The following DAB1 variants were observed in gnomAD, a reference collection of about 807,000 sequenced individuals.
The protein encoded by DAB1 is DAB adaptor protein 1, also known as disabled homolog 1.
Under a neutral mutation model 64.6 loss-of-function variants are expected in DAB1, and 15 were observed. The ratio of observed to expected loss-of-function variants is 0.23; its 90% CI spans 0.16 to 0.36. DAB1 has a LOEUF of 0.36. Ranked by LOEUF, DAB1 falls within the 10% of genes least tolerant of loss-of-function variation. The pLI is 1.00. For synonymous variants in DAB1, 235 were observed against 251.9 expected, an observed-to-expected ratio of 0.93 and a Z score of 0.64; for missense variants, 596 against 706.7, an observed-to-expected ratio of 0.84 and a Z score of 1.78.
chr1:58,384,383 T>C (rs1216085879), intron 3 of DAB1, among the ~76,000 whole-genome samples: 1 of 152,162 alleles, frequency 6.6e-6, no homozygotes, highest in Non-Finnish European at 1.5e-5. Context: ...GATGAGGAGT[T>C]GTTGTTTAAT....
At chr1:58,471,642 A>C (rs1284776183) in intron 3 of DAB1, among the ~76,000 whole-genome samples, 3 of 152,108 alleles carry the variant, frequency 2.0e-5, no homozygotes, top group South Asian at 2.1e-4. Context: ...AGGTGATTGG[A>C]TCATGGGGCA....
chr1:58,504,222 C>T (rs1400522354), intron 3 of DAB1, among the ~76,000 whole-genome samples: 1 of 152,226 alleles, frequency 6.6e-6, no homozygotes, highest in Admixed American at 6.5e-5. Flanking sequence ...GAAGATCCTG[C>T]GTGGTCTGGT....
chr1:58,352,696 G>A (rs1569673910), intron 3 of DAB1, among the ~76,000 whole-genome samples: 1 of 152,092 alleles, frequency 6.6e-6, no homozygotes, highest in East Asian at 1.9e-4. Context: ...CTGAATGTTT[G>A]TGCACTCCCA....
rs1264163683 is a variant in DAB1, at chr1:58,481,145, A to G, written n.257+24915T>C. On this transcript the variant is annotated intron_variant and non_coding_transcript_variant, in intron 3 of 20. Transcript: ENST00000485760. ...GAGGGTCTGGATTAGACAGTGGTGG[A>G]CAATTACACATCTCTCTAATTTTGA... is the stretch of plus-strand genomic sequence containing the variant. 3 of 860,756 alleles carry G rather than the reference A, an allele frequency of 3.5e-6. No homozygotes were observed. In the Admixed American group the frequency reaches 5.2e-5, roughly 15 times the overall value. 53.3% of individuals were successfully genotyped at this position (860,756 alleles called of 1,614,324 possible). A position where few individuals can be genotyped will look rare whatever the true frequency, so the allele number is the denominator to read the frequency against.
intron 6 of DAB1, among the ~76,000 whole-genome samples, chr1:57,751,540 A>G (rs1010376633): frequency 2.6e-5 from 4 of 152,078 alleles, no homozygotes; most frequent in African/African-American, 9.7e-5. Context: ...AGACTTGGTG[A>G]CTTTTAACTA....
intron 3 of DAB1, among the ~76,000 whole-genome samples, chr1:58,405,201 A>G (rs893115724): frequency 1.3e-5 from 2 of 151,418 alleles, no homozygotes; most frequent in Non-Finnish European, 2.9e-5. Flanking sequence ...ACTCTCCCTA[A>G]CCCCATTCTT....
chr1:57,872,038 A>G (rs933846559), intron 1 of DAB1, among the ~76,000 whole-genome samples: 8 of 152,160 alleles, frequency 5.3e-5, no homozygotes, highest in Admixed American at 2.0e-4. Flanking sequence ...GGAGTTAACA[A>G]TTGTATATAT....
intron 5 of DAB1, among the ~76,000 whole-genome samples, chr1:57,902,434 T>G (rs954422751): frequency 3.5e-5 from 5 of 142,226 alleles, no homozygotes; most frequent in Admixed American, 2.1e-4. Flanking sequence ...CGATCTCACT[T>G]GGTACATTAA....
intron 1 of DAB1, among the ~76,000 whole-genome samples, chr1:57,841,025 T>C (rs1653025188): frequency 6.6e-6 from 1 of 152,170 alleles, no homozygotes; most frequent in Non-Finnish European, 1.5e-5. Flanking sequence ...TATGAGCCTG[T>C]AAAATCAAAA....
At chr1:58,088,581 ATAAG>A (rs1650456999) in intron 5 of DAB1, among the ~76,000 whole-genome samples, 1 of 152,210 alleles carries the variant, frequency 6.6e-6, no homozygotes, top group Non-Finnish European at 1.5e-5. Context: ...TTCAGAAAAA[ATAAG>A]TATGATTCTA....
At chr1:58,489,536 A>G (rs1378590268) in intron 3 of DAB1, among the ~76,000 whole-genome samples, 1 of 152,234 alleles carries the variant, frequency 6.6e-6, no homozygotes, top group African/African-American at 2.4e-5. Context: ...GCCAAACAAA[A>G]GGCAGCAGAA....
chr1:58,394,430 C>T (rs1644502101), intron 3 of DAB1, among the ~76,000 whole-genome samples: 2 of 152,298 alleles, frequency 1.3e-5, no homozygotes, highest in South Asian at 2.1e-4. Context: ...CTCATGGCAG[C>T]CTTATTCTCA....
rs549543758 is a variant in DAB1 at position 58,402,132 on chromosome 1, G to C, written n.258-58729C>G. 2.6e-5 allele frequency among the ~76,000 whole-genome samples: 4 copies of C among 152,264 alleles called. No homozygotes were observed. In the South Asian group the frequency reaches 8.3e-4, roughly 32 times the overall value. The stretch of plus-strand genomic sequence containing the variant: ...GGCCCTGCATTCATATGCTCCTGGA[G>C]TGGACATCTGTTGTTTTGTTCATCC... On this transcript the variant is annotated intron_variant and non_coding_transcript_variant, in intron 3 of 20. Transcript: ENST00000485760.
At chr1:58,150,914 T>C (rs1470751102) in intron 4 of DAB1, among the ~76,000 whole-genome samples, 2 of 152,078 alleles carry the variant, frequency 1.3e-5, no homozygotes, top group African/African-American at 4.8e-5. Context: ...CATTGTTCAA[T>C]TCCCACCTAT....
At chr1:57,186,600 C>T (rs155308) in intron 2 of DAB1, among the ~76,000 whole-genome samples, 4 of 152,046 alleles carry the variant, frequency 2.6e-5, no homozygotes, top group Non-Finnish European at 5.9e-5. Context: ...TGACATAATC[C>T]GCAAAGAGGG....
At chr1:57,682,661 T>C (rs1306262933) in intron 6 of DAB1, among the ~76,000 whole-genome samples, 3 of 152,022 alleles carry the variant, frequency 2.0e-5, no homozygotes, top group African/African-American at 7.2e-5. Flanking sequence ...CCCATGGGCA[T>C]GTGAACTGGC....
At chr1:58,190,400 A>T (rs1363851042) in intron 4 of DAB1, among the ~76,000 whole-genome samples, 1 of 152,198 alleles carries the variant, frequency 6.6e-6, no homozygotes, top group Non-Finnish European at 1.5e-5. Context: ...GCAGCAGTCC[A>T]GCCTATCCCC....
At chr1:57,067,455 A>C (rs574928942) in intron 8 of DAB1, among the ~76,000 whole-genome samples, 20 of 152,286 alleles carry the variant, frequency 1.3e-4, no homozygotes, top group African/African-American at 4.8e-4. Flanking sequence ...CCTTATCTGT[A>C]AGGTGGGAAT....
chr1:57,663,315 C>A (rs142467310), intron 6 of DAB1, among the ~76,000 whole-genome samples: 14 of 152,274 alleles, frequency 9.2e-5, no homozygotes, highest in African/African-American at 2.9e-4. Flanking sequence ...GGCCCCTCCT[C>A]CAACATTGGA....
Sources: allele counts gnomAD v4.1 joint callset (sites outside exome capture counted in the v4.1 genomes callset), GRCh38; gene constraint gnomAD v4.1.1; transcripts MANE v1.5; gene names NCBI Gene and HGNC (gene_info 2026-07-23, HGNC 2026-07-21).